Variants in EIF2S3 observed in about 807,000 individuals in gnomAD.
The protein encoded by EIF2S3 is eukaryotic translation initiation factor 2 subunit gamma.
A neutral mutation model predicts 31.7 loss-of-function variants in EIF2S3; 2 were observed. That is an observed-to-expected ratio of 0.06 (90% CI 0.03 to 0.20). The LOEUF (loss-of-function observed/expected upper bound fraction) is 0.20, where lower values mean the gene tolerates loss of function less well. Among genes scored for constraint, EIF2S3 ranks in the 10% least tolerant of loss-of-function variants. The pLI, the probability that EIF2S3 is intolerant of heterozygous loss-of-function variation, is 1.00. For missense variants in EIF2S3, 96 were observed against 359.3 expected (o/e 0.27, Z 5.92); for synonymous variants, 120 against 126.7 (o/e 0.95, Z 0.36).
At chrX:24,071,763 A>T (rs1264875654) in intron 10 of EIF2S3, 36 bp downstream of exon 10, 1 of 1,175,700 alleles carries the variant, frequency 8.5e-7, no homozygotes. Flanking sequence ...TTTCTAAAAA[A>T]GTGACAAATG....
rs758813480 is a variant in EIF2S3, at chrX:24,074,862, C to CTTTTTTTTTTTTTTTT, written c.1355+1605_1355+1620dup. On this transcript the variant is annotated intron_variant, in intron 11 of 11. Transcript: ENST00000253039. ...GTACTCATCATTTTTTTTTCTTCTT[C>CTTTTTTTTTTTTTTTT]TTTTTTTTTTTTTTTTTTTTTGAGA... is the stretch of plus-strand genomic sequence containing the variant. Among the ~76,000 whole-genome samples, 25 of 47,466 alleles carry CTTTTTTTTTTTTTTTT rather than the reference C, an allele frequency of 5.3e-4. 5 individuals are homozygous for CTTTTTTTTTTTTTTTT. Among genetic ancestry groups the CTTTTTTTTTTTTTTTT allele is most frequent in the African/African-American group, 8.6e-4 (9 of 10,438 alleles). 41.2% of individuals were successfully genotyped at this position (47,466 alleles called of 115,157 possible).
intron 9 of EIF2S3, among the ~76,000 whole-genome samples, chrX:24,070,313 G>C (rs1181225106): frequency 3.7e-5 from 4 of 107,492 alleles, no homozygotes; most frequent in Non-Finnish European, 1.9e-5. Flanking sequence ...CAGAGACTGT[G>C]TCTCAACAAC....
chrX:24,073,987 CTT>C (rs1930712513), intron 11 of EIF2S3, among the ~76,000 whole-genome samples: 1 of 111,997 alleles, frequency 8.9e-6, no homozygotes. Flanking sequence ...TTCTTGATCT[CTT>C]AATACTTCAG....
chrX:24,068,644 C>T (rs1328516387), intron 9 of EIF2S3, among the ~76,000 whole-genome samples: 1 of 111,038 alleles, frequency 9.0e-6, no homozygotes, highest in African/African-American at 3.3e-5. Flanking sequence ...CGGGGTTTCA[C>T]CGTGTTGCCC....
At position 24,073,153 on chromosome X, in the gene EIF2S3, G is replaced by C. The variant is rs1930698262; in HGVS notation, c.1245G>C (p.Gly415=). ...MVNIGSLSTG[G]RVSAVKADLG... is the part of the protein sequence containing the mutation. Reference sequence around the variant, plus strand: ...ACATAGGATCCCTGTCAACAGGAGGGAGAGTTAGTGCTGTCAAGGCCGATT... The same window carrying C: ...ACATAGGATCCCTGTCAACAGGAGGCAGAGTTAGTGCTGTCAAGGCCGATT... The change falls in exon 11 of 12, where the codon GGG becomes GGC. Residue 415 remains glycine, a synonymous_variant. Transcript: ENST00000253039. The C allele has an allele frequency of 1.7e-6, 2 of 1,211,861 alleles. No individual in the cohort carries two copies. Among genetic ancestry groups the C allele is most frequent in the East Asian group, 5.9e-5 (2 of 33,862 alleles).
chrX:24,066,513 C>T (rs1455936994), intron 8 of EIF2S3, among the ~76,000 whole-genome samples: 1 of 63,499 alleles, frequency 1.6e-5, no homozygotes, highest in African/African-American at 5.6e-5. Context: ...GCTGCCATTG[C>T]TTTTCTTTTC....
chrX:24,074,691 C>G (rs913825780), intron 11 of EIF2S3, among the ~76,000 whole-genome samples: 27 of 109,948 alleles, frequency 2.5e-4, no homozygotes, highest in Non-Finnish European at 1.3e-4. Context: ...TTATTTATTT[C>G]CCTATCTAGT....
In EIF2S3 at chrX:24,060,480, A is replaced by G. The variant is rs938512150; in HGVS notation, c.478+298A>G. The G allele has an allele frequency of 1.2e-5, 4 of 321,632 alleles. No individual in the cohort carries two copies. In the Admixed American group the frequency reaches 2.0e-4, roughly 16 times the overall value. 26.5% of individuals were successfully genotyped at this position (321,632 alleles called of 1,213,427 possible). On this transcript the variant is annotated intron_variant, in intron 5 of 11. Transcript: ENST00000253039. ...CATGAGGTGATTTATTTAGTTTTAA[A>G]TGTATGTGTAAAACTATTTGTGTTA...
chrX:24,072,744 C>T (rs1333961906), intron 10 of EIF2S3, among the ~76,000 whole-genome samples: 2 of 111,209 alleles, frequency 1.8e-5, no homozygotes, highest in East Asian at 2.8e-4. Flanking sequence ...GGATTACAGG[C>T]GTGTGCCACT....
chrX:24,068,358 T>TA (rs1447348913), intron 9 of EIF2S3, among the ~76,000 whole-genome samples: 1 of 111,508 alleles, frequency 9.0e-6, no homozygotes, highest in Non-Finnish European at 1.9e-5. Context: ...TTTAGCAATA[T>TA]AAAAAAATAA....
In EIF2S3 at chrX:24,068,120, T is replaced by C; in HGVS notation, c.1012+12T>C. 8.5e-7 allele frequency: 1 copy of C among 1,171,512 alleles called. No homozygotes were observed. The highest frequency in any genetic ancestry group is 2.0e-5 in the South Asian group (1 of 50,707). ...AGGCGGTCTTATTGGTAAGGATTTT[T>C]TTCTCATCTCTTTTAATTTGTGGCT... On this transcript the variant is annotated intron_variant, in intron 9 of 11. Transcript: ENST00000253039.
At position 24,060,405 on chromosome X, in the gene EIF2S3, A is replaced by T. The variant is rs1204874244; in HGVS notation, c.478+223A>T. The stretch of plus-strand genomic sequence containing the variant: ...AGCTTGCGAGAATTCTTGTGGTAGC[A>T]TTTGAGAAAAAGAAAAAAAGTCAAT... On this transcript the variant is annotated intron_variant, in intron 5 of 11. Transcript: ENST00000253039. The T allele has an allele frequency of 1.0e-5, 4 of 399,577 alleles. No homozygotes were observed. The Admixed American group carries it at 1.8e-4, about 18-fold the overall frequency. The allele number at this position is 399,577 out of a possible 1,213,427, so 32.9% of individuals were successfully genotyped here. A position where few individuals can be genotyped will look rare whatever the true frequency, so the allele number is the denominator to read the frequency against.
chrX:24,057,638 T>C lies in EIF2S3; in HGVS notation c.267T>C (p.Tyr89=). Reference sequence around the variant, plus strand: ...TTTTTTTATTGAAATTTTAGATTTATAAGCTTGATGACCCAAGTTGCCCTC... The same window carrying C: ...TTTTTTTATTGAAATTTTAGATTTACAAGCTTGATGACCCAAGTTGCCCTC... The part of the protein sequence containing the change: ...IKLGYANAKI[Y]KLDDPSCPRP... The change falls in exon 4 of 12, where the codon TAT becomes TAC. Residue 89 remains tyrosine, a synonymous_variant. Transcript: ENST00000253039. The C allele has an allele frequency of 6.6e-6, 8 of 1,210,803 alleles. No homozygotes were observed. Among genetic ancestry groups the C allele is most frequent in the Non-Finnish European group, 7.8e-6 (7 of 895,361 alleles).
At chrX:24,072,595 A>T (rs756182290) in intron 10 of EIF2S3, among the ~76,000 whole-genome samples, 4 of 111,720 alleles carry the variant, frequency 3.6e-5, no homozygotes, top group South Asian at 3.7e-4. Context: ...CATGATTTTT[A>T]AAAAATGTCC....
intron 11 of EIF2S3, among the ~76,000 whole-genome samples, chrX:24,075,107 CG>C (rs1930734853): frequency 9.1e-6 from 1 of 110,026 alleles, no homozygotes; most frequent in African/African-American, 3.3e-5. Context: ...TCAGGTGATC[CG>C]CCCTCCTTGG....
intron 1 of EIF2S3, 135 bp downstream of exon 1, chrX:24,055,172 C>G (rs1479116880): frequency 1.4e-6 from 1 of 714,559 alleles, no homozygotes; most frequent in Admixed American, 3.2e-5. Context: ...TGGAACTGGG[C>G]GCCCTAAGCC....
At chrX:24,069,660 TTTAAC>T (rs1270061240) in intron 9 of EIF2S3, among the ~76,000 whole-genome samples, 6 of 106,285 alleles carry the variant, frequency 5.6e-5, no homozygotes, top group Admixed American at 1.1e-4. Flanking sequence ...TTTTTAAAAA[TTTAAC>T]TTAAGGAACT....
intron 5 of EIF2S3, chrX:24,060,432 G>T: frequency 2.6e-6 from 1 of 380,991 alleles, no homozygotes; most frequent in Non-Finnish European, 4.6e-6. Context: ...AAAGTCAATA[G>T]TTCATTTTTC....
rs771163509 is a variant in EIF2S3 at position 24,076,821 on chromosome X, G to A, written c.*36G>A. The A allele has an allele frequency of 1.8e-6, 2 of 1,139,178 alleles. No individual in the cohort carries two copies. The highest frequency in any genetic ancestry group is 4.0e-5 in the South Asian group (2 of 50,169). 93.9% of individuals were successfully genotyped at this position (1,139,178 alleles called of 1,213,427 possible). A position where few individuals can be genotyped will look rare whatever the true frequency, so the allele number is the denominator to read the frequency against. On this transcript the variant is annotated 3_prime_UTR_variant, in exon 12 of 12. Transcript: ENST00000253039. Reference sequence around the variant, plus strand: ...TTAAATAATACATTCGGATGGATTTGGAAGTTGGAATTCCTCTTAACAACC... The same window carrying A: ...TTAAATAATACATTCGGATGGATTTAGAAGTTGGAATTCCTCTTAACAACC...
Sources: allele counts gnomAD v4.1 joint callset (sites outside exome capture counted in the v4.1 genomes callset), GRCh38; gene constraint gnomAD v4.1.1; transcripts MANE v1.5; gene names NCBI Gene and HGNC (gene_info 2026-07-23, HGNC 2026-07-21).